The following CNBD2 variants were observed in gnomAD, a reference collection of about 807,000 sequenced individuals.
CNBD2 encodes the protein cyclic nucleotide-binding domain-containing protein 2.
In CNBD2, 64 loss-of-function variants were observed where a neutral mutation model predicts 63.7. The ratio of observed to expected loss-of-function variants is 1.00; its 90% CI spans 0.82 to 1.24. The LOEUF (loss-of-function observed/expected upper bound fraction) is 1.24, where lower values mean the gene tolerates loss of function less well. Ranked by LOEUF, CNBD2 falls within the 50% of genes most tolerant of loss-of-function variation. The probability of loss-of-function intolerance (pLI) is 0.00; values close to 1 mark genes in which losing one functional copy is unlikely to be tolerated. For missense variants in CNBD2, 691 were observed against 713.5 expected, an observed-to-expected ratio of 0.97 and a Z score of 0.36; for synonymous variants, 229 against 255.4, an observed-to-expected ratio of 0.90 and a Z score of 0.99.
At chr20:36,002,373 A>G (rs2147299502) in intron 8 of CNBD2, among the ~76,000 whole-genome samples, 2 of 152,330 alleles carry the variant, frequency 1.3e-5, no homozygotes, top group South Asian at 4.1e-4. Flanking sequence ...GCTGGGCAGC[A>G]GAGGGAAACC....
At chr20:35,962,425 AT>A (rs936234133) in intron 2 of CNBD2, among the ~76,000 whole-genome samples, 2 of 151,756 alleles carry the variant, frequency 1.3e-5, no homozygotes, top group African/African-American at 4.8e-5. Context: ...CGCCCAGCTA[AT>A]TTTTTTTGTA....
intron 11 of CNBD2, among the ~76,000 whole-genome samples, chr20:36,028,685 G>GT (rs148778050): frequency 7.1e-6 from 1 of 140,116 alleles, no homozygotes; most frequent in Admixed American, 6.8e-5. Flanking sequence ...TCACGGGCTG[G>GT]TTTTTTTTGG....
At chr20:36,016,995 G>C (rs1251425522) in intron 10 of CNBD2, among the ~76,000 whole-genome samples, 1 of 150,962 alleles carries the variant, frequency 6.6e-6, no homozygotes, top group Non-Finnish European at 1.5e-5. Flanking sequence ...TGAAGTCGAG[G>C]CTGCAGTGAG....
At chr20:35,999,813 G>A (rs185546271) in intron 8 of CNBD2, among the ~76,000 whole-genome samples, 22 of 152,154 alleles carry the variant, frequency 1.4e-4, no homozygotes, top group African/African-American at 5.3e-4. Flanking sequence ...TAGTAGCTGG[G>A]ATTATAGGTG....
At chr20:35,984,801 T>C (rs763174318) in intron 6 of CNBD2, 23 bp downstream of exon 6, 10 of 1,606,970 alleles carry the variant, frequency 6.2e-6, no homozygotes, top group Admixed American at 1.7e-5. Context: ...TCATTCAACA[T>C]TTTTTTCCCC....
At chr20:35,956,405 G>A (rs553964997), downstream of CNBD2, among the ~76,000 whole-genome samples, 77 of 152,288 alleles carry the variant, frequency 5.1e-4, no homozygotes, top group African/African-American at 1.8e-3. Context: ...ATTCCTGCTG[G>A]TCAACAATCA....
chr20:35,954,617 G>C, upstream of CNBD2: 1 of 1,348,914 alleles, frequency 7.4e-7, no homozygotes, highest in Non-Finnish European at 9.7e-7. Flanking sequence ...GGGAGGGCGA[G>C]CTGCGCGTGG....
upstream of CNBD2, among the ~76,000 whole-genome samples, chr20:35,966,067 C>A (rs1249458736): frequency 6.6e-6 from 1 of 152,178 alleles, no homozygotes; most frequent in African/African-American, 2.4e-5. Flanking sequence ...TACCATCTCT[C>A]TTGCTTTCTC....
At position 35,991,026 on chromosome 20, in the gene CNBD2, G is replaced by C. The variant is rs1286170233; in HGVS notation, c.855+3493G>C. 2.0e-5 allele frequency among the ~76,000 whole-genome samples: 3 copies of C among 152,176 alleles called. No homozygotes were observed. The East Asian group carries it at 5.8e-4, about 29-fold the overall frequency. ...AACAAATGAAGTTCTGATGTACATA[G>C]TGCTAAAGCTAAAAAACATTTCAGT... On this transcript the variant is annotated intron_variant, in intron 7 of 11. Transcript: ENST00000373973.
chr20:36,012,369 T>G (rs760188966), intron 10 of CNBD2, among the ~76,000 whole-genome samples: 2 of 151,492 alleles, frequency 1.3e-5, no homozygotes, highest in African/African-American at 4.9e-5. Context: ...TCCCAGCTAT[T>G]TGGGAGGCTG....
rs2057332473 is a variant in CNBD2 at position 36,030,535 on chromosome 20, A to G, written c.1618A>G (p.Thr540Ala). 1 of 1,613,984 alleles carries G rather than the reference A, an allele frequency of 6.2e-7. No individual in the cohort carries two copies. The highest frequency in any genetic ancestry group is 1.7e-5 in the Admixed American group (1 of 59,992). The change falls in exon 12 of 12, where the codon ACG becomes GCG. Residue 540 changes from threonine (T) to alanine (A), a missense_variant. By Grantham distance (58) the Thr-to-Ala change is moderately conservative (BLOSUM62 0). Coordinates refer to ENST00000373973, the MANE Select transcript of CNBD2 (RefSeq NM_001365709.1). ...VVLDLCSINK[T>A]TKPRYPIFMA... ...CCTGGATTTGTGCAGCATCAACAAG[A>G]CGACTAAACCTCGTTATCCTATTTT... is the stretch of plus-strand genomic sequence containing the variant.
intron 4 of CNBD2, among the ~76,000 whole-genome samples, chr20:35,983,332 T>C (rs2056621940): frequency 6.6e-6 from 1 of 152,076 alleles, no homozygotes; most frequent in African/African-American, 2.4e-5. Flanking sequence ...AGGAAAAGAA[T>C]AAATATCGAA....
chr20:36,023,763 A>G lies in CNBD2; in HGVS notation c.1431A>G (p.Ala477=). ...MIKKLLKLNI[A]FPSDEDMCQK... The stretch of plus-strand genomic sequence containing the variant: ...AAAAGTTGTTAAAGCTCAATATTGC[A>G]TTCCCCAGGTCAGTACTGGAAATGT... The change falls in exon 11 of 12, where the codon GCA becomes GCG. Residue 477 remains alanine (A), a synonymous_variant. Transcript: ENST00000373973. 6.2e-7 allele frequency: 1 copy of G among 1,611,190 alleles called. No individual in the cohort carries two copies. Among genetic ancestry groups the G allele is most frequent in the Non-Finnish European group, 8.5e-7 (1 of 1,178,598 alleles).
At chr20:35,959,696 C>A (rs2056291407), downstream of CNBD2, among the ~76,000 whole-genome samples, 1 of 152,084 alleles carries the variant, frequency 6.6e-6, no homozygotes, top group Admixed American at 6.6e-5. Flanking sequence ...CAAACCATAT[C>A]ATTATTGAAC....
At position 36,011,225 on chromosome 20, in the gene CNBD2, A is replaced by G. The variant is rs748144738; in HGVS notation, c.1237A>G (p.Lys413Glu). The change falls in exon 10 of 12, where the codon AAG becomes GAG. Residue 413 changes from lysine to glutamate, a missense_variant. Coordinates refer to ENST00000373973, the MANE Select transcript of CNBD2 (RefSeq NM_001365709.1). ...PKEAAVGAYV[K>E]VHTVEQGEIL... ...GGAGGCTGCAGTGGGGGCCTACGTG[A>G]AGGTGCACACTGTGGAGCAGGGAGA... 198 of 1,592,360 alleles carry G rather than the reference A, an allele frequency of 1.2e-4. 1 individual carries two copies. Among genetic ancestry groups the G allele is most frequent in the Middle Eastern group, 1.2e-3 (7 of 5,976 alleles).
At position 36,023,692 on chromosome 20, in the gene CNBD2, A is replaced by C; in HGVS notation, c.1360A>C (p.Lys454Gln). 6.2e-7 allele frequency: 1 copy of C among 1,613,964 alleles called. No homozygotes were observed. Among genetic ancestry groups the C allele is most frequent in the Non-Finnish European group, 8.5e-7 (1 of 1,179,936 alleles). The part of the protein sequence containing the change: ...SLGNELIRIR[K>Q]EIFYELIDND... ...GGGAAATGAGTTGATACGGATAAGG[A>C]AGGAAATATTTTATGAACTGATTGA... The change falls in exon 11 of 12, where the codon AAG (lysine) becomes CAG (glutamine). Residue 454 changes from lysine (K) to glutamine (Q), a missense_variant. Coordinates refer to ENST00000373973, the MANE Select transcript of CNBD2 (RefSeq NM_001365709.1).
At chr20:36,010,034 G>A (rs747081967) in intron 9 of CNBD2, among the ~76,000 whole-genome samples, 1 of 152,148 alleles carries the variant, frequency 6.6e-6, no homozygotes, top group African/African-American at 2.4e-5. Context: ...GCTCAGTGTT[G>A]TTATCGGTAT....
In CNBD2 at chr20:35,984,685, C is replaced by T. The variant is rs138969375; in HGVS notation, c.623C>T (p.Thr208Met). The T allele has an allele frequency of 1.5e-4, 236 of 1,614,158 alleles. No homozygotes were observed. The African/African-American group carries it at 2.4e-3, about 16-fold the overall frequency. Residue 208 changes from threonine (T) to methionine (M), a missense_variant, in exon 6 of 12, where the codon ACG becomes ATG. By Grantham distance (81) the Thr-to-Met change is moderately conservative. Transcript: ENST00000373973. ...TCCACCATCGTCTGTATGGAAGAAA[C>T]GGAGTTCCTGGTTGTTGACCGGGAG... ...RRSTIVCMEE[T>M]EFLVVDREDF...
chr20:36,023,695 G>C lies in CNBD2; in HGVS notation c.1363G>C (p.Glu455Gln), dbSNP rs758063347. ...LGNELIRIRK[E>Q]IFYELIDNDD... Reference sequence around the variant, plus strand: ...AAATGAGTTGATACGGATAAGGAAGGAAATATTTTATGAACTGATTGACAA... The same window carrying C: ...AAATGAGTTGATACGGATAAGGAAGCAAATATTTTATGAACTGATTGACAA... Residue 455 changes from glutamate (E) to glutamine (Q), a missense_variant, in exon 11 of 12, where the codon GAA becomes CAA. Glu to Gln is a conservative substitution (Grantham distance 29, BLOSUM62 2). Transcript: ENST00000373973. 1.9e-6 allele frequency: 3 copies of C among 1,613,876 alleles called. No homozygotes were observed. Among genetic ancestry groups the C allele is most frequent in the Non-Finnish European group, 2.5e-6 (3 of 1,179,952 alleles).
Sources: gnomAD v4.1 joint callset for allele counts (sites outside exome capture counted in the v4.1 genomes callset) on GRCh38, gnomAD v4.1.1 for gene constraint, MANE v1.5 for transcripts, NCBI Gene and HGNC (gene_info 2026-07-23, HGNC 2026-07-21) for gene names.